Variants in EIPR1 observed in about 807,000 individuals in gnomAD.
EIPR1 encodes the protein EARP complex and GARP complex interacting protein 1.
In EIPR1, 25 loss-of-function variants were observed where a neutral mutation model predicts 48.1. The ratio of observed to expected loss-of-function variants is 0.52; its 90% CI spans 0.38 to 0.73. The LOEUF (loss-of-function observed/expected upper bound fraction) is 0.73, where lower values mean the gene tolerates loss of function less well. Among genes scored for constraint, EIPR1 ranks in the 30% least tolerant of loss-of-function variants. The pLI is 0.00. For missense variants in EIPR1, 415 were observed against 506.2 expected (o/e 0.82, Z 1.73); for synonymous variants, 204 against 201.9 (o/e 1.01, Z -0.09).
intron 3 of EIPR1, among the ~76,000 whole-genome samples, chr2:3,313,518 C>A (rs1015809260): frequency 6.6e-6 from 1 of 152,162 alleles, no homozygotes; most frequent in African/African-American, 2.4e-5. Flanking sequence ...TCGCTGGACT[C>A]CCACAAGTAT....
intron 3 of EIPR1, among the ~76,000 whole-genome samples, chr2:3,321,256 C>G (rs188124443): frequency 6.6e-6 from 1 of 152,164 alleles, no homozygotes; most frequent in African/African-American, 2.4e-5. Context: ...CCCAGCTGAG[C>G]ACCTATACCC....
At chr2:3,246,042 T>C (rs1368704771) in intron 4 of EIPR1, among the ~76,000 whole-genome samples, 1 of 152,136 alleles carries the variant, frequency 6.6e-6, no homozygotes, top group Non-Finnish European at 1.5e-5. Context: ...GGTTGAGCCG[T>C]GATCACACCA....
chr2:3,315,116 C>T (rs986661407), intron 3 of EIPR1, among the ~76,000 whole-genome samples: 1 of 145,804 alleles, frequency 6.9e-6, no homozygotes, highest in African/African-American at 2.6e-5. Flanking sequence ...TCACCACCTC[C>T]GTCCACACCA....
chr2:3,250,545 A>G lies in EIPR1; in HGVS notation c.416+6754T>C, dbSNP rs543496804. On this transcript the variant is annotated intron_variant, in intron 4 of 8. Coordinates refer to ENST00000382125, the MANE Select transcript of EIPR1 (RefSeq NM_003310.5). ...AAGACCTTGGGGGACTACTGGAAAG[A>G]GATGATTGAATTTTGTGATGTGAGA... 6.6e-5 allele frequency among the ~76,000 whole-genome samples: 10 copies of G among 152,298 alleles called. No individual in the cohort carries two copies. The South Asian group carries it at 1.9e-3, about 28-fold the overall frequency.
At chr2:3,211,814 A>G (rs1018163111) in intron 5 of EIPR1, among the ~76,000 whole-genome samples, 2 of 152,170 alleles carry the variant, frequency 1.3e-5, no homozygotes, top group African/African-American at 2.4e-5. Flanking sequence ...GACAGAAGCT[A>G]TTTATTTCGT....
chr2:3,251,033 A>G (rs573120399), intron 4 of EIPR1, among the ~76,000 whole-genome samples: 3 of 152,330 alleles, frequency 2.0e-5, no homozygotes, highest in African/African-American at 4.8e-5. Flanking sequence ...AAAATAAAAT[A>G]TAACAGTGTG....
intron 6 of EIPR1, 93 bp from the exon 7 acceptor site, chr2:3,194,259 T>C: frequency 2.7e-6 from 4 of 1,499,556 alleles, no homozygotes; most frequent in South Asian, 2.5e-5. Context: ...CCCGGGACCC[T>C]GTCTAATCCC....
intron 3 of EIPR1, among the ~76,000 whole-genome samples, chr2:3,313,633 CT>C (rs1669195293): frequency 6.6e-6 from 1 of 152,094 alleles, no homozygotes; most frequent in Non-Finnish European, 1.5e-5. Flanking sequence ...CCCCATCTGC[CT>C]AAATTTATAG....
chr2:3,307,126 C>T (rs1668970629), intron 3 of EIPR1, among the ~76,000 whole-genome samples: 1 of 152,004 alleles, frequency 6.6e-6, no homozygotes, highest in African/African-American at 2.4e-5. Context: ...CCACACCCTG[C>T]TAATTTTTGT....
intron 3 of EIPR1, among the ~76,000 whole-genome samples, chr2:3,294,818 C>CACAT (rs1357857329): frequency 1.5e-4 from 22 of 145,398 alleles, no homozygotes; most frequent in South Asian, 4.5e-4. Context: ...CCTCTCTCCA[C>CACAT]ACACCCTCCA....
intron 2 of EIPR1, among the ~76,000 whole-genome samples, chr2:3,351,925 T>C (rs1670588648): frequency 6.6e-6 from 1 of 152,240 alleles, no homozygotes; most frequent in South Asian, 2.1e-4. Flanking sequence ...TGTGGTGAAG[T>C]CTGGAGCCAT....
chr2:3,370,647 GATGAAATGA>G (rs1339716912), intron 1 of EIPR1, among the ~76,000 whole-genome samples: 1 of 152,182 alleles, frequency 6.6e-6, no homozygotes, highest in Non-Finnish European at 1.5e-5. Flanking sequence ...AGTGATGGAA[GATGAAATGA>G]ATGAAATGAA....
At chr2:3,345,497 C>T (rs979425517) in intron 2 of EIPR1, among the ~76,000 whole-genome samples, 3 of 151,920 alleles carry the variant, frequency 2.0e-5, no homozygotes, top group Non-Finnish European at 2.9e-5. Flanking sequence ...TGGTGGTGCA[C>T]GCCTGTGATC....
chr2:3,367,852 T>G (rs533088650), intron 1 of EIPR1, among the ~76,000 whole-genome samples: 84 of 152,140 alleles, frequency 5.5e-4, no homozygotes, highest in African/African-American at 2.0e-3. Context: ...ATCGAGACCA[T>G]CCTGGCTAAC....
intron 1 of EIPR1, chr2:3,377,275 T>C (rs1659919430): frequency 4.2e-6 from 1 of 236,800 alleles, no homozygotes; most frequent in South Asian, 1.5e-4. Context: ...ATACTTTAAA[T>C]TGTTTCAAAA....
intron 4 of EIPR1, 68 bp from the exon 5 acceptor site, chr2:3,214,316 T>G: frequency 7.2e-7 from 1 of 1,390,478 alleles, no homozygotes; most frequent in Non-Finnish European, 1.0e-6. Context: ...AGGTAAGAGC[T>G]GTGATACATG....
chr2:3,250,302 G>A (rs1251859529), intron 4 of EIPR1, among the ~76,000 whole-genome samples: 1 of 152,258 alleles, frequency 6.6e-6, no homozygotes, highest in African/African-American at 2.4e-5. Context: ...CAGTGTTGGA[G>A]CTTTAACATT....
intron 5 of EIPR1, among the ~76,000 whole-genome samples, chr2:3,198,805 A>C (rs755984854): frequency 1.3e-5 from 2 of 152,166 alleles, no homozygotes; most frequent in African/African-American, 2.4e-5. Flanking sequence ...ATCACAAGGC[A>C]GAAGGTCAGG....
In EIPR1 at chr2:3,207,084, C is replaced by T. The variant is rs116442218; in HGVS notation, c.516+7065G>A. Among the ~76,000 whole-genome samples the T allele has an allele frequency of 4.8e-3, 735 of 152,290 alleles. 8 individuals are homozygous for T. Among genetic ancestry groups the T allele is most frequent in the African/African-American group, 0.017 (706 of 41,546 alleles). ...CCTCCTATTGGGTAACCTTCACCCACGGCCCAGTGTTGGAGATCATGTATT... is the reference window on the plus strand; with the variant it reads ...CCTCCTATTGGGTAACCTTCACCCATGGCCCAGTGTTGGAGATCATGTATT... On this transcript the variant is annotated intron_variant, in intron 5 of 8. Coordinates refer to ENST00000382125, the MANE Select transcript of EIPR1 (RefSeq NM_003310.5).
Sources: allele counts gnomAD v4.1 joint callset (sites outside exome capture counted in the v4.1 genomes callset), GRCh38; gene constraint gnomAD v4.1.1; transcripts MANE v1.5; gene names NCBI Gene and HGNC (gene_info 2026-07-23, HGNC 2026-07-21).